Variants in GSTCD observed in about 807,000 individuals in gnomAD.
The protein encoded by GSTCD is glutathione S-transferase C-terminal domain containing, also known as glutathione S-transferase C-terminal domain-containing protein.
GSTCD carries 44 observed loss-of-function variants against 68.3 expected under a neutral mutation model. That is an observed-to-expected ratio of 0.64 (90% confidence interval 0.51 to 0.83). GSTCD has a LOEUF of 0.83. GSTCD is among the 40% of genes least tolerant of loss of function. The probability of loss-of-function intolerance (pLI) is 0.00; values close to 1 mark genes in which losing one functional copy is unlikely to be tolerated. For missense variants in GSTCD, 739 were observed against 735.9 expected (o/e 1.00, Z -0.05); for synonymous variants, 273 against 255.2 (o/e 1.07, Z -0.67).
At chr4:105,819,045 G>T (rs538855261) in intron 5 of GSTCD, among the ~76,000 whole-genome samples, 1 of 151,788 alleles carries the variant, frequency 6.6e-6, no homozygotes, top group South Asian at 2.1e-4. Context: ...TATTCAGATT[G>T]AACTTGTCCC....
At chr4:105,716,421 G>T (rs1430239378) in intron 1 of GSTCD, among the ~76,000 whole-genome samples, 1 of 152,118 alleles carries the variant, frequency 6.6e-6, no homozygotes. Context: ...TTTAGCAAGG[G>T]TCCCCAACCC....
At chr4:105,757,279 A>G (rs776592487) in intron 5 of GSTCD, among the ~76,000 whole-genome samples, 56 of 152,336 alleles carry the variant, frequency 3.7e-4, no homozygotes, top group Non-Finnish European at 2.9e-5. Flanking sequence ...TAAAAGGAGC[A>G]TATAAAACTT....
chr4:105,823,103 T>C (rs775074548), intron 6 of GSTCD, 34 bp downstream of exon 6: 1 of 1,584,324 alleles, frequency 6.3e-7, no homozygotes, highest in Non-Finnish European at 8.7e-7. Flanking sequence ...TTTTTAGTCT[T>C]TCTAAGATTA....
intron 5 of GSTCD, among the ~76,000 whole-genome samples, chr4:105,810,888 G>C (rs1189440053): frequency 6.6e-6 from 1 of 152,000 alleles, no homozygotes; most frequent in Non-Finnish European, 1.5e-5. Flanking sequence ...AAATACAGTT[G>C]TCCTGAGGTG....
At chr4:105,770,053 C>T (rs549311002) in intron 5 of GSTCD, among the ~76,000 whole-genome samples, 4 of 152,268 alleles carry the variant, frequency 2.6e-5, no homozygotes, top group African/African-American at 9.6e-5. Context: ...ACCACCACAC[C>T]CGGCCCAGAT....
At chr4:105,818,267 C>T (rs1469889058) in intron 5 of GSTCD, among the ~76,000 whole-genome samples, 1 of 149,410 alleles carries the variant, frequency 6.7e-6, no homozygotes, top group Non-Finnish European at 1.5e-5. Flanking sequence ...GAAAAAGTAA[C>T]TTTTTTCTCT....
At chr4:105,841,086 C>T (rs890913787) in intron 10 of GSTCD, among the ~76,000 whole-genome samples, 6 of 152,026 alleles carry the variant, frequency 3.9e-5, no homozygotes, top group East Asian at 1.9e-4. Flanking sequence ...GAGGCAGAGG[C>T]GGGCAGATCA....
intron 3 of GSTCD, among the ~76,000 whole-genome samples, chr4:105,723,588 G>T (rs1732939183): frequency 6.6e-6 from 1 of 151,812 alleles, no homozygotes; most frequent in Non-Finnish European, 1.5e-5. Flanking sequence ...ACATGAGTAT[G>T]AGTATCTGTG....
At chr4:105,754,451 G>A (rs1021076782) in intron 5 of GSTCD, among the ~76,000 whole-genome samples, 27 of 152,038 alleles carry the variant, frequency 1.8e-4, no homozygotes, top group Admixed American at 2.0e-4. Flanking sequence ...TGTGAATTTT[G>A]TATGCTTATT....
intron 5 of GSTCD, among the ~76,000 whole-genome samples, chr4:105,747,706 G>T (rs1480305126): frequency 3.3e-5 from 5 of 152,008 alleles, no homozygotes; most frequent in African/African-American, 1.2e-4. Context: ...AATATAAGTG[G>T]AAGTGAAAGT....
At chr4:105,780,218 A>G (rs1735225867) in intron 5 of GSTCD, among the ~76,000 whole-genome samples, 2 of 152,312 alleles carry the variant, frequency 1.3e-5, no homozygotes, top group Admixed American at 6.5e-5. Context: ...ACTTATTACC[A>G]GCAACCTGCT....
Position 105,717,923 on chromosome 4 carries a change from G to C in GSTCD, c.310G>C (p.Gly104Arg). Residue 104 changes from glycine to arginine, a missense_variant, in exon 2 of 12, where the codon GGA (glycine) becomes CGA (arginine). Physicochemically the swap from Gly to Arg is moderately radical, Grantham distance 125 (BLOSUM62 -2). Coordinates refer to ENST00000515279, the MANE Select transcript of GSTCD (RefSeq NM_001370181.1). ...VERSDNFCRA[G>R]LAVVLRHIIQ... is the part of the protein sequence containing the mutation. ...ACGATCAGACAATTTTTGTAGAGCA[G>C]GACTTGCTGTTGTATTGAGACACAT... The C allele has an allele frequency of 6.2e-6, 10 of 1,614,130 alleles. No homozygotes were observed. The highest frequency in any genetic ancestry group is 8.5e-6 in the Non-Finnish European group (10 of 1,180,006).
Position 105,791,047 on chromosome 4 carries a change from A to G in GSTCD, c.1241-31907A>G, listed in dbSNP as rs111358861. Among the ~76,000 whole-genome samples the G allele has an allele frequency of 4.0e-3, 612 of 152,120 alleles. 2 individuals are homozygous for G. Among genetic ancestry groups the G allele is most frequent in the Middle Eastern group, 0.017 (5 of 294 alleles). Reference sequence around the variant, plus strand: ...CTCATGGCCAAAAAAACAATCCAGAACAGAAATAGAAGACAGCCATTCCTC... The same window carrying G: ...CTCATGGCCAAAAAAACAATCCAGAGCAGAAATAGAAGACAGCCATTCCTC... On this transcript the variant is annotated intron_variant, in intron 5 of 11. Coordinates refer to ENST00000515279, the MANE Select transcript of GSTCD (RefSeq NM_001370181.1).
At position 105,834,522 on chromosome 4, in the gene GSTCD, G is replaced by A. The variant is rs753565382; in HGVS notation, c.1592G>A (p.Arg531Gln). The A allele has an allele frequency of 8.7e-6, 14 of 1,613,966 alleles. No individual in the cohort carries two copies. Among genetic ancestry groups the A allele is most frequent in the Middle Eastern group, 1.6e-4 (1 of 6,062 alleles). The change falls in exon 9 of 12, where the codon CGG becomes CAG. Residue 531 changes from arginine (R) to glutamine (Q), a missense_variant. Transcript: ENST00000515279. Reference protein sequence around the residue: ...DMVIEHCIKTRASFVTCPCCY... With the variant: ...DMVIEHCIKTQASFVTCPCCY... The stretch of plus-strand genomic sequence containing the variant: ...GTGATTGAGCACTGTATCAAAACAC[G>A]GGCTTCCTTCGTCACATGCCCTTGC...
At chr4:105,749,923 A>T (rs1341116879) in intron 5 of GSTCD, among the ~76,000 whole-genome samples, 1 of 152,192 alleles carries the variant, frequency 6.6e-6, no homozygotes, top group African/African-American at 2.4e-5. Context: ...AATATTCACA[A>T]ATTTGACAAA....
At position 105,787,162 on chromosome 4, in the gene GSTCD, T is replaced by A. The variant is rs1735497970; in HGVS notation, c.1241-35792T>A. On this transcript the variant is annotated intron_variant, in intron 5 of 11. Coordinates refer to ENST00000515279, the MANE Select transcript of GSTCD (RefSeq NM_001370181.1). ...TTACTGATAAGTGTTCAATAAAGTT[T>A]GGAGACCACTGTCTTAGAGCAATAG... Among the ~76,000 whole-genome samples the A allele has an allele frequency of 3.9e-5, 6 of 152,220 alleles. 1 individual carries two copies. The South Asian group carries it at 1.2e-3, about 32-fold the overall frequency.
At chr4:105,811,061 AG>A (rs1722727653) in intron 5 of GSTCD, among the ~76,000 whole-genome samples, 1 of 152,208 alleles carries the variant, frequency 6.6e-6, no homozygotes, top group African/African-American at 2.4e-5. Flanking sequence ...ATAATTAGAT[AG>A]TAAAAACATT....
intron 5 of GSTCD, among the ~76,000 whole-genome samples, chr4:105,750,593 T>G (rs1733980075): frequency 6.6e-6 from 1 of 152,174 alleles, no homozygotes. Context: ...TGTCAGTTTC[T>G]TACAAAACTG....
At chr4:105,828,606 T>A (rs914329872) in intron 8 of GSTCD, among the ~76,000 whole-genome samples, 2 of 152,154 alleles carry the variant, frequency 1.3e-5, no homozygotes, top group African/African-American at 2.4e-5. Flanking sequence ...GTAACTTGAA[T>A]CACAATATGA....
Sources: allele counts gnomAD v4.1 joint callset (sites outside exome capture counted in the v4.1 genomes callset), GRCh38; gene constraint gnomAD v4.1.1; transcripts MANE v1.5; gene names NCBI Gene and HGNC (gene_info 2026-07-23, HGNC 2026-07-21).